The following RAB5C variants were observed in gnomAD, a reference collection of about 807,000 sequenced individuals.
RAB5C encodes ras-related protein Rab-5C.
RAB5C carries 4 observed loss-of-function variants against 25.2 expected under a neutral mutation model. The ratio of observed to expected loss-of-function variants is 0.16; its 90% CI spans 0.08 to 0.36. The LOEUF (loss-of-function observed/expected upper bound fraction) is 0.36, where lower values mean the gene tolerates loss of function less well. Among genes scored for constraint, RAB5C ranks in the 10% least tolerant of loss-of-function variants. The pLI is 1.00. For missense variants in RAB5C, 199 were observed against 283.8 expected, an observed-to-expected ratio of 0.70 and a Z score of 2.15; for synonymous variants, 100 against 106.4, an observed-to-expected ratio of 0.94 and a Z score of 0.37.
At chr17:42,142,588 C>A (rs2079609631) in intron 1 of RAB5C, among the ~76,000 whole-genome samples, 1 of 152,170 alleles carries the variant, frequency 6.6e-6, no homozygotes, top group Admixed American at 6.5e-5. Flanking sequence ...AGAGAGGCCA[C>A]CCACGCCCTC....
rs575784332 is a variant in RAB5C at position 42,126,359 on chromosome 17, G to A, written c.535+396C>T. Reference sequence around the variant, plus strand: ...TTAAAAGTGGTGAAGGGGGCTGGGCGCAGTGGCTTACGCTCGTAATCCCAG... The same window carrying A: ...TTAAAAGTGGTGAAGGGGGCTGGGCACAGTGGCTTACGCTCGTAATCCCAG... On this transcript the variant is annotated intron_variant, in intron 5 of 5. Coordinates refer to ENST00000346213, the MANE Select transcript of RAB5C (RefSeq NM_004583.4). Among the ~76,000 whole-genome samples, 10 of 152,216 alleles carry A rather than the reference G, an allele frequency of 6.6e-5. No individual in the cohort carries two copies. The South Asian group carries it at 8.3e-4, about 13-fold the overall frequency.
At position 42,130,453 on chromosome 17, in the gene RAB5C, T is replaced by C. The variant is rs1213098524; in HGVS notation, c.50A>G (p.Asn17Ser). ...AACCAGCTTAAATTGACAGATCTTG[T>C]TCCCAGCAGCTGGTCCATTGGGTCG... is the stretch of plus-strand genomic sequence containing the variant. Reference protein sequence around the residue: ...AARPNGPAAGNKICQFKLVLL... With the variant: ...AARPNGPAAGSKICQFKLVLL... Residue 17 changes from asparagine to serine, a missense_variant, in exon 2 of 6, where the codon AAC becomes AGC. Asn to Ser is a conservative substitution (Grantham distance 46). Transcript: ENST00000346213. 2.5e-6 allele frequency: 4 copies of C among 1,614,148 alleles called. No homozygotes were observed. The highest frequency in any genetic ancestry group is 3.4e-6 in the Non-Finnish European group (4 of 1,180,008).
chr17:42,131,988 G>T (rs942379844), intron 1 of RAB5C, among the ~76,000 whole-genome samples: 16 of 152,286 alleles, frequency 1.1e-4, no homozygotes, highest in East Asian at 7.7e-4. Context: ...TTATTAGGCT[G>T]CCCTTTGCAT....
intron 4 of RAB5C, among the ~76,000 whole-genome samples, 172 bp downstream of exon 4, chr17:42,128,089 G>A (rs1194566535): frequency 6.6e-6 from 1 of 152,160 alleles, no homozygotes; most frequent in Non-Finnish European, 1.5e-5. Context: ...CAAGGCACTG[G>A]GATTACAGAC....
intron 1 of RAB5C, among the ~76,000 whole-genome samples, chr17:42,149,865 T>C (rs534442489): frequency 1.7e-4 from 25 of 149,392 alleles, no homozygotes; most frequent in Admixed American, 1.4e-3. Flanking sequence ...CTCATTATGT[T>C]GCCCAGGCTG....
At chr17:42,152,342 G>A (rs535884168) in intron 1 of RAB5C, among the ~76,000 whole-genome samples, 6 of 152,222 alleles carry the variant, frequency 3.9e-5, no homozygotes, top group South Asian at 2.1e-4. Flanking sequence ...GGGTTCTGTC[G>A]CACACGGAGC....
intron 1 of RAB5C, among the ~76,000 whole-genome samples, chr17:42,140,989 C>A (rs946616510): frequency 6.6e-6 from 1 of 151,812 alleles, no homozygotes; most frequent in Non-Finnish European, 1.5e-5. Context: ...CCACCATGCC[C>A]AGCTAATTTT....
At chr17:42,147,010 AAGAAAGACAGAAAGAAAGAC>A (rs1356792732) in intron 1 of RAB5C, among the ~76,000 whole-genome samples, 68 of 84,546 alleles carry the variant, frequency 8.0e-4, no homozygotes, top group African/African-American at 5.8e-3. Flanking sequence ...GAAAGAAAGA[AAGAAAGACAGAAAGAAAGAC>A]AGAAAGACAG....
At chr17:42,145,141 C>T (rs2079627989) in intron 1 of RAB5C, among the ~76,000 whole-genome samples, 1 of 151,808 alleles carries the variant, frequency 6.6e-6, no homozygotes, top group Non-Finnish European at 1.5e-5. Flanking sequence ...CCACTGCACT[C>T]CAGCCTGGGC....
Position 42,130,684 on chromosome 17 carries a change from G to A in RAB5C, c.-88-94C>T, listed in dbSNP as rs2054476565. On this transcript the variant is annotated intron_variant, in intron 1 of 5. Transcript: ENST00000346213. ...ACAGATCTTTCCCTCTGGCCTCACT[G>A]AAGACCTAGCTGACTGCTTCCCCTC... 13 of 1,414,588 alleles carry A rather than the reference G, an allele frequency of 9.2e-6. No homozygotes were observed. The East Asian group carries it at 3.1e-4, about 33-fold the overall frequency. 87.6% of individuals were successfully genotyped at this position (1,414,588 alleles called of 1,614,324 possible).
At chr17:42,130,141 A>T in intron 2 of RAB5C, 196 bp downstream of exon 2, 2 of 669,482 alleles carry the variant, frequency 3.0e-6, no homozygotes, top group Non-Finnish European at 4.8e-6. Context: ...GCAAATGCTT[A>T]CTAGCGATGC....
At chr17:42,149,588 A>T (rs78802523) in intron 1 of RAB5C, among the ~76,000 whole-genome samples, 12,128 of 152,150 alleles carry the variant, frequency 0.08, 852 homozygotes, top group East Asian at 0.43. Context: ...AAAAATAAAT[A>T]AATTAATTAA....
intron 1 of RAB5C, among the ~76,000 whole-genome samples, chr17:42,153,406 G>A (rs1352116881): frequency 6.6e-6 from 1 of 152,148 alleles, no homozygotes; most frequent in Admixed American, 6.5e-5. Context: ...GACAGAGCAA[G>A]ACTCCATCTC....
chr17:42,149,427 C>T (rs1054690117), intron 1 of RAB5C, among the ~76,000 whole-genome samples: 13 of 152,142 alleles, frequency 8.5e-5, no homozygotes, highest in Middle Eastern at 3.4e-3. Context: ...ACTAAAAATA[C>T]AAAAACTAGC....
rs1598262691 is a variant in RAB5C, at chr17:42,154,945, C to T, written c.-141G>A. On this transcript the variant is annotated 5_prime_UTR_variant, in exon 1 of 6. Transcript: ENST00000346213. ...GGGGCCGGGGCTCGGACGGGATCCGCTTCTCTCCCCGCCGGCGGTGTCCCA... is the reference window on the plus strand; with the variant it reads ...GGGGCCGGGGCTCGGACGGGATCCGTTTCTCTCCCCGCCGGCGGTGTCCCA... 6.6e-6 allele frequency: 1 copy of T among 152,300 alleles called. No homozygotes were observed. Among genetic ancestry groups the T allele is most frequent in the East Asian group, 1.9e-4 (1 of 5,220 alleles). 9.4% of individuals were successfully genotyped at this position (152,300 alleles called of 1,614,324 possible). A position where few individuals can be genotyped will look rare whatever the true frequency, so the allele number is the denominator to read the frequency against.
At chr17:42,152,385 C>G (rs1277081147) in intron 1 of RAB5C, among the ~76,000 whole-genome samples, 1 of 152,108 alleles carries the variant, frequency 6.6e-6, no homozygotes, top group Non-Finnish European at 1.5e-5. Flanking sequence ...AGTCAGACCT[C>G]TGCTTGGACT....
At chr17:42,146,189 AG>A (rs1261374008) in intron 1 of RAB5C, among the ~76,000 whole-genome samples, 4 of 152,186 alleles carry the variant, frequency 2.6e-5, no homozygotes, top group Non-Finnish European at 5.9e-5. Context: ...AAACTGGCAC[AG>A]CAAGAGGAGC....
intron 1 of RAB5C, among the ~76,000 whole-genome samples, chr17:42,132,620 G>A (rs1235944324): frequency 6.6e-6 from 1 of 152,016 alleles, no homozygotes; most frequent in East Asian, 1.9e-4. Flanking sequence ...GCTCACTGCA[G>A]CTTCCAAGAT....
chr17:42,130,280 C>T, intron 2 of RAB5C, 57 bp downstream of exon 2: 2 of 1,546,800 alleles, frequency 1.3e-6, no homozygotes, highest in Non-Finnish European at 1.8e-6. Context: ...TCCTCAAGGT[C>T]AAAGCATTTC....
Sources: allele counts gnomAD v4.1 joint callset (sites outside exome capture counted in the v4.1 genomes callset), GRCh38; gene constraint gnomAD v4.1.1; transcripts MANE v1.5; gene names NCBI Gene and HGNC (gene_info 2026-07-23, HGNC 2026-07-21).